The following MTRF1 variants were observed in gnomAD, a reference collection of about 807,000 sequenced individuals.
MTRF1 encodes the protein peptide chain release factor 1, mitochondrial.
MTRF1 carries 51 observed loss-of-function variants against 62.9 expected under a neutral mutation model. The ratio of observed to expected loss-of-function variants is 0.81; its 90% CI spans 0.65 to 1.02. MTRF1 has a LOEUF of 1.02. Ranked by LOEUF, MTRF1 falls within the 50% of genes least tolerant of loss-of-function variation. The pLI, the probability that MTRF1 is intolerant of heterozygous loss-of-function variation, is 0.00. For synonymous variants in MTRF1, 158 were observed against 181.9 expected, an observed-to-expected ratio of 0.87 and a Z score of 1.06; for missense variants, 446 against 530.0, an observed-to-expected ratio of 0.84 and a Z score of 1.56.
chr13:41,244,730 G>C (rs2038010904), intron 5 of MTRF1, among the ~76,000 whole-genome samples: 1 of 152,086 alleles, frequency 6.6e-6, no homozygotes, highest in African/African-American at 2.4e-5. Flanking sequence ...TGAAAAGCTG[G>C]TATCTGCTTA....
chr13:41,242,302 A>G (rs563163321), intron 5 of MTRF1, among the ~76,000 whole-genome samples: 103 of 152,074 alleles, frequency 6.8e-4, no homozygotes, highest in Non-Finnish European at 1.3e-3. Flanking sequence ...AGCCTCTTCA[A>G]ATTGACTTCT....
At chr13:41,300,045 G>T in the MTRF1 span, among the ~76,000 whole-genome samples, 8 of 152,200 alleles carry the variant, frequency 5.3e-5, no homozygotes, top group Admixed American at 5.2e-4. Flanking sequence ...ACTCCAGCAA[G>T]GTTGGATAAA....
upstream of MTRF1, among the ~76,000 whole-genome samples, chr13:41,264,094 A>G (rs148329013): frequency 4.7e-4 from 72 of 152,368 alleles, no homozygotes; most frequent in African/African-American, 1.6e-3. Context: ...AATATTTAAA[A>G]AAAATAAAGA....
At chr13:41,244,885 T>C (rs931921188) in intron 5 of MTRF1, among the ~76,000 whole-genome samples, 8 of 152,160 alleles carry the variant, frequency 5.3e-5, no homozygotes, top group African/African-American at 1.7e-4. Flanking sequence ...CCCTCATAAA[T>C]TGTGAGATAA....
chr13:41,307,396 C>T, the MTRF1 span, among the ~76,000 whole-genome samples: 19 of 152,090 alleles, frequency 1.2e-4, no homozygotes, highest in African/African-American at 4.1e-4. Flanking sequence ...GAGGCTGAGG[C>T]GGGTGGATCA....
intron 6 of MTRF1, among the ~76,000 whole-genome samples, chr13:41,234,730 C>T (rs1260572184): frequency 6.6e-6 from 1 of 152,206 alleles, no homozygotes; most frequent in East Asian, 1.9e-4. Flanking sequence ...CAGTCATTTG[C>T]AGACATGCAT....
intron 5 of MTRF1, among the ~76,000 whole-genome samples, chr13:41,248,544 G>A (rs1432937364): frequency 6.6e-6 from 1 of 152,158 alleles, no homozygotes; most frequent in Non-Finnish European, 1.5e-5. Context: ...CTACATTTAG[G>A]TTTCCCAATT....
intron 7 of MTRF1, among the ~76,000 whole-genome samples, chr13:41,230,499 G>C (rs2138793594): frequency 1.3e-5 from 2 of 151,512 alleles, no homozygotes; most frequent in Middle Eastern, 6.9e-3. Context: ...CCCGACCTCA[G>C]GTGATCTGTC....
chr13:41,227,468 C>T (rs1436380489), intron 7 of MTRF1, among the ~76,000 whole-genome samples: 1 of 152,172 alleles, frequency 6.6e-6, no homozygotes, highest in Admixed American at 6.5e-5. Flanking sequence ...CATCTAACCT[C>T]ACACAAGTTT....
chr13:41,289,044 G>C, the MTRF1 span, among the ~76,000 whole-genome samples: 1 of 152,060 alleles, frequency 6.6e-6, no homozygotes, highest in East Asian at 1.9e-4. Flanking sequence ...ACTCAACGTT[G>C]ACCATTCTAT....
chr13:41,267,542 T>C (rs1457118180), upstream of MTRF1, among the ~76,000 whole-genome samples: 2 of 152,132 alleles, frequency 1.3e-5, no homozygotes, highest in African/African-American at 4.8e-5. Flanking sequence ...TTGTCATTTT[T>C]AAAAGGAAAA....
chr13:41,255,798 T>G (rs2039634340), intron 2 of MTRF1, among the ~76,000 whole-genome samples: 1 of 152,172 alleles, frequency 6.6e-6, no homozygotes, highest in African/African-American at 2.4e-5. Context: ...AAGGAGAAAG[T>G]TAAATCATGG....
At chr13:41,226,384 G>T in intron 8 of MTRF1, 48 bp downstream of exon 8, 2 of 1,564,258 alleles carry the variant, frequency 1.3e-6, no homozygotes, top group South Asian at 1.2e-5. Flanking sequence ...TACAGAAAAT[G>T]ACTTTTCTTT....
upstream of MTRF1, among the ~76,000 whole-genome samples, chr13:41,263,918 A>G (rs1211884838): frequency 6.6e-6 from 1 of 152,184 alleles, no homozygotes; most frequent in Non-Finnish European, 1.5e-5. Context: ...AACCCCCTCC[A>G]CTCACTATCC....
At chr13:41,220,821 CAA>C (rs1404875473) in intron 9 of MTRF1, among the ~76,000 whole-genome samples, 3 of 152,136 alleles carry the variant, frequency 2.0e-5, no homozygotes, top group Non-Finnish European at 4.4e-5. Flanking sequence ...TTTCAGCCAC[CAA>C]GAGAGAGAAT....
intron 6 of MTRF1, among the ~76,000 whole-genome samples, chr13:41,237,646 G>A (rs556700922): frequency 1.7e-4 from 26 of 152,116 alleles, no homozygotes; most frequent in Admixed American, 1.4e-3. Context: ...ACAGGCACGC[G>A]CCACCACACC....
chr13:41,273,730 G>C, the MTRF1 span, among the ~76,000 whole-genome samples: 1 of 151,924 alleles, frequency 6.6e-6, no homozygotes, highest in African/African-American at 2.4e-5. Flanking sequence ...CCAGCTACTC[G>C]GGAGGCTGAG....
At chr13:41,309,914 T>A in the MTRF1 span, among the ~76,000 whole-genome samples, 1 of 152,110 alleles carries the variant, frequency 6.6e-6, no homozygotes, top group Non-Finnish European at 1.5e-5. Flanking sequence ...GAGAATCGCT[T>A]GAACCTGGGA....
intron 5 of MTRF1, among the ~76,000 whole-genome samples, chr13:41,240,660 C>G (rs2037367692): frequency 6.6e-6 from 1 of 151,992 alleles, no homozygotes; most frequent in South Asian, 2.1e-4. Context: ...AGGAAACATA[C>G]CAAAATGTAA....
Sources: allele counts gnomAD v4.1 joint callset (sites outside exome capture counted in the v4.1 genomes callset), GRCh38; gene constraint gnomAD v4.1.1; transcripts MANE v1.5; gene names NCBI Gene and HGNC (gene_info 2026-07-23, HGNC 2026-07-21).